The following RTN2 variants were observed in gnomAD, a reference collection of about 807,000 sequenced individuals.
RTN2 encodes reticulon-2.
Under a neutral mutation model 63.7 loss-of-function variants are expected in RTN2, and 36 were observed. That is an observed-to-expected ratio of 0.56 (90% confidence interval 0.43 to 0.75). The LOEUF is 0.75. Among genes scored for constraint, RTN2 ranks in the 30% least tolerant of loss-of-function variants. The pLI is 0.00. For missense variants in RTN2, 673 were observed against 705.1 expected, an observed-to-expected ratio of 0.95 and a Z score of 0.52; for synonymous variants, 312 against 313.0, an observed-to-expected ratio of 1.00 and a Z score of 0.03.
At chr19:45,496,570 GCTGTCT>G in intron 1 of RTN2, 1 of 374,764 alleles carries the variant, frequency 2.7e-6, no homozygotes, top group Non-Finnish European at 4.8e-6. Context: ...CCCCCCGCCT[GCTGTCT>G]CAGTGCCCCC....
chr19:45,488,550 T>C, intron 8 of RTN2, 33 bp from the exon 9 acceptor site: 1 of 1,613,786 alleles, frequency 6.2e-7, no homozygotes, highest in Non-Finnish European at 8.5e-7. Context: ...GTCAGGGTGT[T>C]CCCAAGAGAT....
chr19:45,487,837 G>C (rs1311237910), intron 9 of RTN2, among the ~76,000 whole-genome samples: 2 of 151,064 alleles, frequency 1.3e-5, no homozygotes, highest in Non-Finnish European at 2.9e-5. Context: ...CAGCTACTCG[G>C]GAAGCTGAGG....
In RTN2 at chr19:45,496,776, G is replaced by C; in HGVS notation, c.34+16C>G. 1 of 1,503,704 alleles carries C rather than the reference G, an allele frequency of 6.7e-7. No individual in the cohort carries two copies. The highest frequency in any genetic ancestry group is 8.9e-7 in the Non-Finnish European group (1 of 1,118,910). 93.1% of individuals were successfully genotyped at this position (1,503,704 alleles called of 1,614,324 possible). ...CCTCTGGGGCCCACACCAGGCCCCAGTCTTCCTCTACTCACTGCAGTGGGC... is the reference window on the plus strand; with the variant it reads ...CCTCTGGGGCCCACACCAGGCCCCACTCTTCCTCTACTCACTGCAGTGGGC... On this transcript the variant is annotated intron_variant, in intron 1 of 10. Coordinates refer to ENST00000245923, the MANE Select transcript of RTN2 (RefSeq NM_005619.5).
chr19:45,487,583 GTTTTTT>G (rs4031036), intron 9 of RTN2, among the ~76,000 whole-genome samples: 3 of 105,754 alleles, frequency 2.8e-5, no homozygotes, highest in African/African-American at 1.1e-4. Context: ...TTATTTTTTG[GTTTTTT>G]TTTTTTTTTT....
chr19:45,489,819 C>T (rs1968115598), intron 5 of RTN2, among the ~76,000 whole-genome samples: 1 of 151,370 alleles, frequency 6.6e-6, no homozygotes, highest in Admixed American at 6.6e-5. Context: ...GCTGGGACTA[C>T]AGGTGTGCAC....
intron 1 of RTN2, 121 bp downstream of exon 1, chr19:45,496,671 T>A (rs1418690256): frequency 1.7e-6 from 1 of 587,044 alleles, no homozygotes; most frequent in Non-Finnish European, 2.7e-6. Context: ...GAGCTTCCTT[T>A]GTCTCCTATG....
intron 8 of RTN2, 46 bp downstream of exon 8, chr19:45,488,591 C>T (rs1018898754): frequency 6.2e-7 from 1 of 1,613,580 alleles, no homozygotes; most frequent in Non-Finnish European, 8.5e-7. Context: ...CTGTCCCCCA[C>T]CAGACTCCAA....
chr19:45,494,366 G>C lies in RTN2; in HGVS notation c.614C>G (p.Pro205Arg), dbSNP rs1353801942. The change falls in exon 4 of 11, where the codon CCC becomes CGC. Residue 205 changes from proline (P) to arginine (R), a missense_variant. Coordinates refer to ENST00000245923, the MANE Select transcript of RTN2 (RefSeq NM_005619.5). The surrounding 1 kb of genome is among the most constrained non-coding windows in gnomAD (Gnocchi z 5.3). The stretch of plus-strand genomic sequence containing the variant: ...TGTCCCAGAGCCCGGACTGAGCTGG[G>C]GAGTCAAGACCTCGGGCGATGAGGG... ...AQPSSPEVLT[P>R]QLSPGSGTPQ... 6.2e-7 allele frequency: 1 copy of C among 1,614,078 alleles called. No individual in the cohort carries two copies. The highest frequency in any genetic ancestry group is 2.2e-5 in the East Asian group (1 of 44,874).
intron 9 of RTN2, among the ~76,000 whole-genome samples, chr19:45,486,604 T>A (rs543186260): frequency 1.3e-5 from 2 of 152,064 alleles, no homozygotes; most frequent in African/African-American, 2.4e-5. Context: ...CTCAGCCTCC[T>A]GAGTTCAAGC....
Position 45,486,041 on chromosome 19 carries a change from C to T in RTN2, c.1556+14G>A. On this transcript the variant is annotated intron_variant, in intron 10 of 10. Transcript: ENST00000245923. ...CACTTCCCCCTCCCATCGACCTCCG[C>T]CCCATGCTCTTACTTAGCTTTGATG... 1 of 1,613,528 alleles carries T rather than the reference C, an allele frequency of 6.2e-7. No individual in the cohort carries two copies. Among genetic ancestry groups the T allele is most frequent in the Non-Finnish European group, 8.5e-7 (1 of 1,179,534 alleles).
At chr19:45,490,979 C>T (rs374430344) in intron 5 of RTN2, among the ~76,000 whole-genome samples, 11 of 150,066 alleles carry the variant, frequency 7.3e-5, no homozygotes, top group Admixed American at 2.7e-4. Context: ...CTCCACCTCC[C>T]GGGTTCAAGC....
chr19:45,488,016 G>A (rs1402847293), intron 9 of RTN2, among the ~76,000 whole-genome samples: 1 of 151,114 alleles, frequency 6.6e-6, no homozygotes, highest in Non-Finnish European at 1.5e-5. Flanking sequence ...ACTTTGGGAG[G>A]CCAAGGTGGG....
chr19:45,495,065 G>C (rs374997143), intron 2 of RTN2, 30 bp downstream of exon 2: 3 of 1,614,046 alleles, frequency 1.9e-6, no homozygotes, highest in Non-Finnish European at 2.5e-6. Context: ...GCCCAGCCCT[G>C]AGCCCCTTCA....
At chr19:45,493,749 A>C in intron 4 of RTN2, 2 of 263,444 alleles carry the variant, frequency 7.6e-6, no homozygotes, top group Non-Finnish European at 1.4e-5. Context: ...ATTTTATTTT[A>C]TTTTTATTTT....
At chr19:45,487,382 C>T (rs1968047725) in intron 9 of RTN2, among the ~76,000 whole-genome samples, 1 of 151,696 alleles carries the variant, frequency 6.6e-6, no homozygotes, top group Non-Finnish European at 1.5e-5. Context: ...CTTGGTGATT[C>T]CAGCCTGTGA....
rs1160605082 is a variant in RTN2, at chr19:45,489,481, A to G, written c.1106T>C (p.Leu369Pro). The G allele has an allele frequency of 6.2e-7, 1 of 1,613,050 alleles. No individual in the cohort carries two copies. Among genetic ancestry groups the G allele is most frequent in the East Asian group, 2.2e-5 (1 of 44,852 alleles). Residue 369 changes from leucine (L) to proline (P), a missense_variant, in exon 6 of 11, where the codon CTC (leucine) becomes CCC (proline). By Grantham distance (98) the Leu-to-Pro change is moderately conservative (BLOSUM62 -3). Coordinates refer to ENST00000245923, the MANE Select transcript of RTN2 (RefSeq NM_005619.5). The part of the protein sequence containing the change: ...VVFTGLMVSL[L>P]CLLHFSIVSV... ...CACGATGCTAAAGTGCAGGAGGCAG[A>G]GGAGGGAGACCATCAGGCCTGTGAA...
In RTN2 at chr19:45,488,482, G is replaced by T; in HGVS notation, c.1486C>A (p.Arg496=). 1.2e-6 allele frequency: 2 copies of T among 1,613,836 alleles called. No homozygotes were observed. The change falls in exon 9 of 11, where the codon CGG becomes AGG. Residue 496 remains arginine, a synonymous_variant. Transcript: ENST00000245923. ...IGLFTIPLLY[R]QHQAQIDQYV... ...GGTGTCACACTCACCTGGTGCTGCC[G>T]GTACAGCAGGGGGATGGTGAATAGA...
chr19:45,495,207 C>T, intron 1 of RTN2, 68 bp from the exon 2 acceptor site: 5 of 1,564,046 alleles, frequency 3.2e-6, no homozygotes, highest in Non-Finnish European at 3.5e-6. Context: ...GTGTCCCAGT[C>T]CTGGAATCTT....
chr19:45,496,436 G>A (rs1968270057), intron 1 of RTN2, among the ~76,000 whole-genome samples: 1 of 152,232 alleles, frequency 6.6e-6, no homozygotes, highest in African/African-American at 2.4e-5. Flanking sequence ...TTTCCATCCT[G>A]GCTCTACCCT....
Sources: allele counts gnomAD v4.1 joint callset (sites outside exome capture counted in the v4.1 genomes callset), GRCh38; gene constraint gnomAD v4.1.1; non-coding constraint Gnocchi (gnomAD v3.1); transcripts MANE v1.5; gene names NCBI Gene and HGNC (gene_info 2026-07-23, HGNC 2026-07-21).